The following P2RY11 variants were observed in gnomAD, a reference collection of about 807,000 sequenced individuals.
The protein encoded by P2RY11 is purinergic receptor P2Y11, also known as P2Y purinoceptor 11.
In P2RY11, 3 loss-of-function variants were observed where a neutral mutation model predicts 2.4. The ratio of observed to expected loss-of-function variants is 1.22; its 90% confidence interval spans 0.56 to 3.17. The LOEUF (loss-of-function observed/expected upper bound fraction) is 3.17, where lower values mean the gene tolerates loss of function less well. P2RY11 is among the 30% of genes most tolerant of loss of function. P2RY11 has a pLI of 0.03. For missense variants in P2RY11, 670 were observed against 528.2 expected (o/e 1.27, Z -2.63); for synonymous variants, 307 against 237.3 (o/e 1.29, Z -2.70).
chr19:10,113,175 C>T (rs886843456), intron 1 of P2RY11, among the ~76,000 whole-genome samples: 1 of 152,160 alleles, frequency 6.6e-6, no homozygotes, highest in African/African-American at 2.4e-5. Context: ...AGGACTCCAG[C>T]GCTCGCGGGT....
In P2RY11 at chr19:10,115,050, C is replaced by T. The variant is rs759639591; in HGVS notation, c.*312C>T. ...GAGCTGCTTTATTGCCCTTGGAGCCCGCGCTCTCGGAGGCTGTCTTCTGTC... is the reference window on the plus strand; with the variant it reads ...GAGCTGCTTTATTGCCCTTGGAGCCTGCGCTCTCGGAGGCTGTCTTCTGTC... On this transcript the variant is annotated 3_prime_UTR_variant, in exon 2 of 2. Transcript: ENST00000321826. 9.2e-5 allele frequency: 148 copies of T among 1,608,610 alleles called. 1 individual carries two copies. In the East Asian group the frequency reaches 2.0e-3, roughly 21 times the overall value.
chr19:10,114,797 G>T lies in P2RY11; in HGVS notation c.*59G>T, dbSNP rs1196662243. 4 of 1,542,754 alleles carry T rather than the reference G, an allele frequency of 2.6e-6. No homozygotes were observed. Among genetic ancestry groups the T allele is most frequent in the Non-Finnish European group, 3.5e-6 (4 of 1,145,444 alleles). On this transcript the variant is annotated 3_prime_UTR_variant, in exon 2 of 2. Coordinates refer to ENST00000321826, the MANE Select transcript of P2RY11 (RefSeq NM_002566.5). Reference sequence around the variant, plus strand: ...GTGTTGCTGGAGAACCCTGAGGGCAGGGCCCGAGCCCCGACACATCCCTTC... The same window carrying T: ...GTGTTGCTGGAGAACCCTGAGGGCATGGCCCGAGCCCCGACACATCCCTTC...
rs764865736 is a variant in P2RY11, at chr19:10,114,682, A to C, written c.1069A>C (p.Asn357His). 6.2e-7 allele frequency: 1 copy of C among 1,613,584 alleles called. No individual in the cohort carries two copies. The highest frequency in any genetic ancestry group is 1.7e-5 in the Admixed American group (1 of 59,994). Residue 357 changes from asparagine to histidine, a missense_variant, in exon 2 of 2, where the codon AAT (asparagine) becomes CAT (histidine). Physicochemically the swap from Asn to His is moderately conservative, Grantham distance 68. Transcript: ENST00000321826. ...GAGCACTGGCCAAGCCCTGCCCCTCAATGCCACAGCCGCCCCTAAACCGTC... is the reference window on the plus strand; with the variant it reads ...GAGCACTGGCCAAGCCCTGCCCCTCCATGCCACAGCCGCCCCTAAACCGTC... ...AKSTGQALPL[N>H]ATAAPKPSEP... is the part of the protein sequence containing the mutation.
At position 10,113,967 on chromosome 19, in the gene P2RY11, C is replaced by T. The variant is rs1414554553; in HGVS notation, c.354C>T (p.Ile118=). The T allele has an allele frequency of 6.2e-7, 1 of 1,601,800 alleles. No homozygotes were observed. Among genetic ancestry groups the T allele is most frequent in the Non-Finnish European group, 8.5e-7 (1 of 1,179,852 alleles). The part of the protein sequence containing the change: ...LFTCNLLGSV[I]FITCISLNRY... ...CCTGCAACCTGCTGGGCAGCGTCAT[C>T]TTCATCACCTGCATCAGCCTCAACC... Residue 118 remains isoleucine (I), a synonymous_variant, in exon 2 of 2, where the codon ATC becomes ATT. Coordinates refer to ENST00000321826, the MANE Select transcript of P2RY11 (RefSeq NM_002566.5).
Position 10,114,892 on chromosome 19 carries a change from T to C in P2RY11, c.*154T>C. 1 of 1,415,042 alleles carries C rather than the reference T, an allele frequency of 7.1e-7. No individual in the cohort carries two copies. Among genetic ancestry groups the C allele is most frequent in the Non-Finnish European group, 9.5e-7 (1 of 1,057,868 alleles). 87.7% of individuals were successfully genotyped at this position (1,415,042 alleles called of 1,614,324 possible). Reference sequence around the variant, plus strand: ...TGCAGCCCAGGCAGGAGCAGTCGCCTTTCCCACCCACAGCGCTGGCCACAG... The same window carrying C: ...TGCAGCCCAGGCAGGAGCAGTCGCCCTTCCCACCCACAGCGCTGGCCACAG... On this transcript the variant is annotated 3_prime_UTR_variant, in exon 2 of 2. Transcript: ENST00000321826.
rs112371201 is a variant in P2RY11, at chr19:10,114,109, A to G, written c.496A>G (p.Ser166Gly). Residue 166 changes from serine to glycine, a missense_variant, in exon 2 of 2, where the codon AGC becomes GGC. Ser to Gly is a moderately conservative substitution (Grantham distance 56). Coordinates refer to ENST00000321826, the MANE Select transcript of P2RY11 (RefSeq NM_002566.5). ...LAALLAMPTL[S>G]FSHLKRPQQG... ...CGCCCTGCTGGCCATGCCCACACTC[A>G]GCTTCTCCCACCTGAAGAGGCCGCA... 4.6e-4 allele frequency: 741 copies of G among 1,600,876 alleles called. 6 individuals are homozygous for G. The African/African-American group carries it at 8.5e-3, about 18-fold the overall frequency.
intron 1 of P2RY11, 70 bp from the exon 2 acceptor site, chr19:10,113,563 G>C: frequency 1.3e-6 from 2 of 1,539,228 alleles, no homozygotes; most frequent in South Asian, 2.5e-5. Flanking sequence ...TGGCAGACGT[G>C]GGCTCTTGGG....
Position 10,113,791 on chromosome 19 carries a change from C to A in P2RY11, c.178C>A (p.Pro60Thr), listed in dbSNP as rs2089172255. 1 of 1,614,046 alleles carries A rather than the reference C, an allele frequency of 6.2e-7. No individual in the cohort carries two copies. The highest frequency in any genetic ancestry group is 8.5e-7 in the Non-Finnish European group (1 of 1,179,980). ...LYRFSIRKQR[P>T]WHPAVVFSVQ... ...CCGCTTCAGCATCCGGAAGCAGCGC[C>A]CATGGCACCCCGCCGTGGTCTTCTC... The change falls in exon 2 of 2, where the codon CCA becomes ACA. Residue 60 changes from proline to threonine, a missense_variant. By Grantham distance (38) the Pro-to-Thr change is conservative. Coordinates refer to ENST00000321826, the MANE Select transcript of P2RY11 (RefSeq NM_002566.5).
At chr19:10,113,362 GGGGAGTA>G (rs2089158606) in intron 1 of P2RY11, among the ~76,000 whole-genome samples, 1 of 152,184 alleles carries the variant, frequency 6.6e-6, no homozygotes, top group South Asian at 2.1e-4. Context: ...AGGTGTGGTG[GGGGAGTA>G]GGGTGGCCGC....
Position 10,114,519 on chromosome 19 carries a change from C to T in P2RY11, c.906C>T (p.Gly302=), listed in dbSNP as rs149797969. The T allele has an allele frequency of 2.3e-5, 37 of 1,610,112 alleles. No individual in the cohort carries two copies. The South Asian group carries it at 3.6e-4, about 16-fold the overall frequency. Residue 302 remains glycine (G), a synonymous_variant, in exon 2 of 2, where the codon GGC becomes GGT. Transcript: ENST00000321826. ...TAALELGPYV[G]YQVMRGLMPL... is the part of the protein sequence containing the mutation. ...CCCTGGAGCTGGGGCCCTACGTGGG[C>T]TACCAGGTGATGCGGGGCCTCATGC...
intron 1 of P2RY11, 68 bp from the exon 2 acceptor site, chr19:10,113,565 G>A: frequency 6.5e-7 from 1 of 1,543,578 alleles, no homozygotes; most frequent in Non-Finnish European, 8.8e-7. Context: ...GCAGACGTGG[G>A]CTCTTGGGGT....
intron 1 of P2RY11, chr19:10,112,324 G>C (rs977715669): frequency 6.5e-6 from 1 of 153,582 alleles, no homozygotes; most frequent in Admixed American, 6.5e-5. Context: ...GCAGGCTGGC[G>C]TTGGGAGCAG....
chr19:10,112,869 G>GAGGC (rs770713226), intron 1 of P2RY11, among the ~76,000 whole-genome samples: 3 of 152,188 alleles, frequency 2.0e-5, no homozygotes, highest in Non-Finnish European at 4.4e-5. Context: ...TTGAACCCGG[G>GAGGC]AGGCAGAGGT....
At chr19:10,113,335 A>C (rs969651144) in intron 1 of P2RY11, among the ~76,000 whole-genome samples, 3 of 151,924 alleles carry the variant, frequency 2.0e-5, no homozygotes, top group Non-Finnish European at 2.9e-5. Flanking sequence ...TTTGGGGAGG[A>C]GGCCTCTAGT....
rs200950283 is a variant in P2RY11, at chr19:10,113,865, G to C, written c.252G>C (p.Pro84=). 1.6e-5 allele frequency: 25 copies of C among 1,610,970 alleles called. No individual in the cohort carries two copies. Among genetic ancestry groups the C allele is most frequent in the Middle Eastern group, 1.7e-4 (1 of 6,060 alleles). The stretch of plus-strand genomic sequence containing the variant: ...TGCTCTGCGCCCTGACGCTGCCCCC[G>C]CTGGCCGCCTACCTCTATCCCCCCA... ...SDLLCALTLP[P]LAAYLYPPKH... Residue 84 remains proline (P), a synonymous_variant, in exon 2 of 2, where the codon CCG becomes CCC. Transcript: ENST00000321826.
At position 10,111,744 on chromosome 19, in the gene P2RY11, A is replaced by G. The variant is rs1446909691; in HGVS notation, c.19+4A>G. 2 of 1,613,370 alleles carry G rather than the reference A, an allele frequency of 1.2e-6. No individual in the cohort carries two copies. The highest frequency in any genetic ancestry group is 1.1e-5 in the South Asian group (1 of 91,068). Reference sequence around the variant, plus strand: ...AGCATGGCAGCCAACGTCTCGGGTAAGGAGAAGGCATGTTGGCTGTCTCTG... The same window carrying G: ...AGCATGGCAGCCAACGTCTCGGGTAGGGAGAAGGCATGTTGGCTGTCTCTG... On this transcript the variant is annotated splice_donor_region_variant and intron_variant, in intron 1 of 1. Transcript: ENST00000321826.
At chr19:10,113,586 G>A (rs1408415294) in intron 1 of P2RY11, 47 bp from the exon 2 acceptor site, 23 of 1,565,542 alleles carry the variant, frequency 1.5e-5, no homozygotes, top group East Asian at 2.3e-5. Flanking sequence ...AGCAGGAGCC[G>A]CCTTATGGGG....
intron 1 of P2RY11, 51 bp downstream of exon 1, chr19:10,111,791 G>GGT (rs1308307259): frequency 6.2e-7 from 1 of 1,608,308 alleles, no homozygotes; most frequent in East Asian, 2.2e-5. Flanking sequence ...ATTGTCAGGA[G>GGT]GTGGGGGTAG....
Position 10,114,046 on chromosome 19 carries a change from C to A in P2RY11, c.433C>A (p.His145Asn). Residue 145 changes from histidine (H) to asparagine (N), a missense_variant, in exon 2 of 2, where the codon CAC becomes AAC. Transcript: ENST00000321826. Reference sequence around the variant, plus strand: ...CGCCCGAAGCCACCTGCGACCCAAGCACGCCTGGGCCGTGAGCGCTGCCGG... The same window carrying A: ...CGCCCGAAGCCACCTGCGACCCAAGAACGCCTGGGCCGTGAGCGCTGCCGG... ...FFARSHLRPK[H>N]AWAVSAAGWV... 1 of 1,600,682 alleles carries A rather than the reference C, an allele frequency of 6.2e-7. No individual in the cohort carries two copies. The highest frequency in any genetic ancestry group is 1.1e-5 in the South Asian group (1 of 91,032).
Sources: allele counts gnomAD v4.1 joint callset (sites outside exome capture counted in the v4.1 genomes callset), GRCh38; gene constraint gnomAD v4.1.1; transcripts MANE v1.5; gene names NCBI Gene and HGNC (gene_info 2026-07-23, HGNC 2026-07-21).